The following SCNN1G variants were observed in gnomAD, a reference collection of about 807,000 sequenced individuals.
The protein encoded by SCNN1G is sodium channel epithelial 1 subunit gamma.
SCNN1G carries 27 observed loss-of-function variants against 64.6 expected under a neutral mutation model. The observed-to-expected ratio is 0.42, with a 90% confidence interval of 0.31 to 0.58. The LOEUF (loss-of-function observed/expected upper bound fraction) is 0.58. SCNN1G is among the 20% of genes least tolerant of loss of function. The pLI is 0.18. For missense variants in SCNN1G, 743 were observed against 823.4 expected (o/e 0.90, Z 1.19); for synonymous variants, 330 against 314.2 (o/e 1.05, Z -0.53).
chr16:23,191,329 G>C (rs1265615600), intron 3 of SCNN1G, among the ~76,000 whole-genome samples: 1 of 152,120 alleles, frequency 6.6e-6, no homozygotes, highest in Non-Finnish European at 1.5e-5. Context: ...CCTGAAAAAT[G>C]GACCTTCTTC....
intron 8 of SCNN1G, 84 bp downstream of exon 8, chr16:23,212,235 C>A: frequency 1.1e-6 from 1 of 877,174 alleles, no homozygotes; most frequent in Non-Finnish European, 1.9e-6. Context: ...GGGACTCCAC[C>A]CCTGTTGCCT....
At chr16:23,204,310 T>TATATATATATATATATATATATAC (rs1959945750) in intron 6 of SCNN1G, among the ~76,000 whole-genome samples, 1 of 75,584 alleles carries the variant, frequency 1.3e-5, no homozygotes, top group African/African-American at 4.9e-5. Context: ...TATATATATA[T>TATATATATATATATATATATATAC]ATATATATAT....
intron 6 of SCNN1G, among the ~76,000 whole-genome samples, chr16:23,204,334 T>TAGAG (rs755322105): frequency 0.023 from 353 of 15,130 alleles, 25 homozygotes; most frequent in East Asian, 0.036. Context: ...TATATATATA[T>TAGAG]AGAGAGAGAG....
chr16:23,215,388 GC>G lies in SCNN1G; in HGVS notation c.1875del (p.Lys626AsnfsTer33). 1 of 1,613,972 alleles carries G rather than the reference GC, an allele frequency of 6.2e-7. No individual in the cohort carries two copies. Among genetic ancestry groups the G allele is most frequent in the Non-Finnish European group, 8.5e-7 (1 of 1,179,998 alleles). ...ALGTQVPGTP[P>X]PKYNTLRLER... The stretch of plus-strand genomic sequence containing the variant: ...TAGGAACCCAAGTGCCCGGCACACC[GC>G]CCCCCAAATACAATACCTTGCGCTT... On this transcript the variant is annotated frameshift_variant, in exon 13 of 13. Coordinates refer to ENST00000300061, the MANE Select transcript of SCNN1G (RefSeq NM_001039.4). LOFTEE classifies it high-confidence loss of function.
chr16:23,189,152 G>T (rs1287782925), intron 2 of SCNN1G, among the ~76,000 whole-genome samples: 3 of 152,180 alleles, frequency 2.0e-5, no homozygotes, highest in Non-Finnish European at 2.9e-5. Flanking sequence ...GAAGCCACAG[G>T]AAGTCACACA....
intron 4 of SCNN1G, 55 bp from the exon 5 acceptor site, chr16:23,194,115 CT>C: frequency 8.1e-7 from 1 of 1,235,970 alleles, no homozygotes; most frequent in South Asian, 1.2e-5. Context: ...CCCTGCCCAA[CT>C]TCAGCTAAGA....
intron 5 of SCNN1G, among the ~76,000 whole-genome samples, 168 bp from the exon 6 acceptor site, chr16:23,197,096 G>A (rs1051114651): frequency 2.0e-4 from 30 of 152,212 alleles, no homozygotes; most frequent in Admixed American, 7.9e-4. Context: ...AGCAAGTCAG[G>A]CATGCATTCC....
In SCNN1G at chr16:23,212,578, C is replaced by G. The variant is rs1596777784; in HGVS notation, c.1295-100C>G. The G allele has an allele frequency of 2.7e-5, 24 of 892,932 alleles. No individual in the cohort carries two copies. The East Asian group carries it at 5.8e-4, about 22-fold the overall frequency. 55.3% of individuals were successfully genotyped at this position (892,932 alleles called of 1,614,324 possible). A position where few individuals can be genotyped will look rare whatever the true frequency, so the allele number is the denominator to read the frequency against. ...GTTGGTAGAAAGTGGGAGGAGAAAT[C>G]ATTAAAATGAGACTGCGGGGCTGTC... On this transcript the variant is annotated intron_variant, in intron 8 of 12. Coordinates refer to ENST00000300061, the MANE Select transcript of SCNN1G (RefSeq NM_001039.4).
At chr16:23,189,693 C>G (rs1959674463) in intron 3 of SCNN1G, 22 bp downstream of exon 3, 18 of 1,610,782 alleles carry the variant, frequency 1.1e-5, no homozygotes, top group Non-Finnish European at 1.5e-5. Flanking sequence ...CCTTCTCATT[C>G]TTTCACTGCT....
At position 23,209,789 on chromosome 16, in the gene SCNN1G, A is replaced by C. The variant is rs777705170; in HGVS notation, c.1117A>C (p.Thr373Pro). 4.3e-6 allele frequency: 7 copies of C among 1,614,106 alleles called. No individual in the cohort carries two copies. The South Asian group carries it at 6.6e-5, about 15-fold the overall frequency. Reference protein sequence around the residue: ...FKLSEPYSQCTEDGSDVPIRN... With the variant: ...FKLSEPYSQCPEDGSDVPIRN... ...GCTGAGTGAGCCCTACAGTCAGTGC[A>C]CGGAGGACGGGAGTGACGTGCCAAT... The change falls in exon 7 of 13, where the codon ACG becomes CCG. Residue 373 changes from threonine to proline, a missense_variant. Thr to Pro is a conservative substitution (Grantham distance 38, BLOSUM62 -1). Transcript: ENST00000300061.
In SCNN1G at chr16:23,206,535, A is replaced by G. The variant is rs541393512; in HGVS notation, c.1078-3215A>G. ...GAGGCTGAGGTGGGAGGATTACCTG[A>G]GCCCAGGAGGTCAAGGCTGCCATGA... On this transcript the variant is annotated intron_variant, in intron 6 of 12. Transcript: ENST00000300061. Among the ~76,000 whole-genome samples the G allele has an allele frequency of 2.0e-5, 3 of 152,214 alleles. No homozygotes were observed. In the East Asian group the frequency reaches 5.8e-4, roughly 29 times the overall value.
chr16:23,213,043 G>C, intron 10 of SCNN1G, 59 bp from the exon 11 acceptor site: 2 of 1,543,700 alleles, frequency 1.3e-6, no homozygotes, highest in African/African-American at 1.4e-5. Flanking sequence ...GCCTGAGGCG[G>C]GAGGCTGGCC....
intron 2 of SCNN1G, among the ~76,000 whole-genome samples, chr16:23,188,008 C>T (rs1202784568): frequency 1.3e-5 from 2 of 152,120 alleles, no homozygotes; most frequent in Non-Finnish European, 2.9e-5. Context: ...CTTTCTTTCT[C>T]CCTCCCTCCT....
intron 1 of SCNN1G, among the ~76,000 whole-genome samples, chr16:23,183,856 AG>A (rs1959561884): frequency 6.6e-6 from 1 of 152,188 alleles, no homozygotes; most frequent in African/African-American, 2.4e-5. Flanking sequence ...TAGTCGTTAA[AG>A]GGACTCCTAG....
chr16:23,200,468 G>C (rs923374448), intron 6 of SCNN1G, among the ~76,000 whole-genome samples: 2 of 152,116 alleles, frequency 1.3e-5, no homozygotes, highest in Non-Finnish European at 2.9e-5. Context: ...CAAAGTTCTA[G>C]CTATAGCTTT....
At chr16:23,192,089 G>T (rs1424119274) in intron 3 of SCNN1G, among the ~76,000 whole-genome samples, 6 of 152,152 alleles carry the variant, frequency 3.9e-5, no homozygotes, top group Admixed American at 3.3e-4. Context: ...AGCTGGTTTT[G>T]CTTCTTCCTT....
At chr16:23,206,434 C>G (rs55830657) in intron 6 of SCNN1G, among the ~76,000 whole-genome samples, 53,865 of 152,072 alleles carry the variant, frequency 0.35, 10,231 homozygotes, top group East Asian at 0.72. Flanking sequence ...TGGGCTTTCC[C>G]CCTTAGCACT....
At chr16:23,185,858 C>G (rs999300573) in intron 1 of SCNN1G, among the ~76,000 whole-genome samples, 1 of 152,160 alleles carries the variant, frequency 6.6e-6, no homozygotes, top group African/African-American at 2.4e-5. Context: ...TGATAAGGCA[C>G]GGGTACCCCT....
chr16:23,204,756 A>G (rs1959963219), intron 6 of SCNN1G, among the ~76,000 whole-genome samples: 1 of 152,032 alleles, frequency 6.6e-6, no homozygotes, highest in Admixed American at 6.6e-5. Context: ...TTGAGACCAG[A>G]TACTAAATTG....
Sources: gnomAD v4.1 joint callset for allele counts (sites outside exome capture counted in the v4.1 genomes callset) on GRCh38, gnomAD v4.1.1 for gene constraint, MANE v1.5 for transcripts, NCBI Gene and HGNC (gene_info 2026-07-23, HGNC 2026-07-21) for gene names.